NMNAT2: variants seen among roughly 807,000 people sequenced by gnomAD.
The protein encoded by NMNAT2 is nicotinamide nucleotide adenylyltransferase 2, also known as nicotinamide/nicotinic acid mononucleotide adenylyltransferase 2.
In NMNAT2, 11 loss-of-function variants were observed where a neutral mutation model predicts 41.6. That is an observed-to-expected ratio of 0.26 (90% confidence interval 0.17 to 0.44). The LOEUF (loss-of-function observed/expected upper bound fraction) is 0.44, where lower values mean the gene tolerates loss of function less well. Among genes scored for constraint, NMNAT2 ranks in the 20% least tolerant of loss-of-function variants. The pLI, the probability that NMNAT2 is intolerant of heterozygous loss-of-function variation, is 1.00. For missense variants in NMNAT2, 288 were observed against 407.7 expected, an observed-to-expected ratio of 0.71 and a Z score of 2.53; for synonymous variants, 148 against 151.2, an observed-to-expected ratio of 0.98 and a Z score of 0.16.
intron 6 of NMNAT2, 96 bp from the exon 7 acceptor site, chr1:183,284,135 T>TG: frequency 1.5e-5 from 11 of 725,782 alleles, no homozygotes; most frequent in East Asian, 3.4e-5. Flanking sequence ...ATTATTGGGA[T>TG]GGGGTGGGGT....
Position 183,343,173 on chromosome 1 carries a change from C to T in NMNAT2, c.86-49380G>A, listed in dbSNP as rs1662856399. 1.3e-5 allele frequency among the ~76,000 whole-genome samples: 2 copies of T among 152,134 alleles called. 1 individual carries two copies. The highest frequency in any genetic ancestry group is 4.1e-4 in the South Asian group (2 of 4,822). On this transcript the variant is annotated intron_variant, in intron 1 of 10. Coordinates refer to ENST00000287713, the MANE Select transcript of NMNAT2 (RefSeq NM_015039.4). ...CCATCTTGGACTCTTCCTCTCTTACCCCCACATCCAAGCAATCACCAAGCC... is the reference window on the plus strand; with the variant it reads ...CCATCTTGGACTCTTCCTCTCTTACTCCCACATCCAAGCAATCACCAAGCC...
chr1:183,261,162 G>C, intron 9 of NMNAT2, 40 bp downstream of exon 9: 4 of 1,605,522 alleles, frequency 2.5e-6, no homozygotes, highest in Non-Finnish European at 2.6e-6. Context: ...TCTCAGAGAA[G>C]GGCCATAACA....
chr1:183,408,313 A>G (rs1649018091), intron 1 of NMNAT2, among the ~76,000 whole-genome samples: 2 of 152,370 alleles, frequency 1.3e-5, no homozygotes, highest in Middle Eastern at 3.4e-3. Context: ...GAGATAATAC[A>G]TACATGAATG....
In NMNAT2 at chr1:183,252,470, G is replaced by A; in HGVS notation, c.*171C>T. 1 of 601,976 alleles carries A rather than the reference G, an allele frequency of 1.7e-6. No homozygotes were observed. The highest frequency in any genetic ancestry group is 3.0e-6 in the Non-Finnish European group (1 of 329,932). 37.3% of individuals were successfully genotyped at this position (601,976 alleles called of 1,614,324 possible). Reference sequence around the variant, plus strand: ...GAGGAAAGTCTGTCCAAAGATGACTGTGGAATAGGGAATGCCATGGTTCTC... The same window carrying A: ...GAGGAAAGTCTGTCCAAAGATGACTATGGAATAGGGAATGCCATGGTTCTC... On this transcript the variant is annotated 3_prime_UTR_variant, in exon 11 of 11. Transcript: ENST00000287713.
At chr1:183,333,361 A>G (rs1263903756) in intron 1 of NMNAT2, among the ~76,000 whole-genome samples, 1 of 152,230 alleles carries the variant, frequency 6.6e-6, no homozygotes, top group Non-Finnish European at 1.5e-5. Context: ...AGAGTATGTT[A>G]TCTTACATGG....
At chr1:183,387,279 G>A (rs1648274496) in intron 1 of NMNAT2, among the ~76,000 whole-genome samples, 1 of 145,480 alleles carries the variant, frequency 6.9e-6, no homozygotes, top group Non-Finnish European at 1.5e-5. Flanking sequence ...AAATATTAAT[G>A]ACCCTTGATT....
At chr1:183,408,866 CT>C (rs1649039403) in intron 1 of NMNAT2, among the ~76,000 whole-genome samples, 2 of 151,904 alleles carry the variant, frequency 1.3e-5, no homozygotes, top group African/African-American at 4.8e-5. Flanking sequence ...TGACATGTCT[CT>C]TTTTTTAAAA....
At chr1:183,289,537 G>A (rs1661481918) in intron 4 of NMNAT2, among the ~76,000 whole-genome samples, 1 of 152,234 alleles carries the variant, frequency 6.6e-6, no homozygotes, top group Non-Finnish European at 1.5e-5. Flanking sequence ...GCTCAGATAT[G>A]TGGACTCCTC....
chr1:183,293,888 G>T lies in NMNAT2; in HGVS notation c.86-95C>A, dbSNP rs536144060. On this transcript the variant is annotated intron_variant, in intron 1 of 10. Coordinates refer to ENST00000287713, the MANE Select transcript of NMNAT2 (RefSeq NM_015039.4). ...ATACGCTCAGCTCTGTAATGCTGGG[G>T]TTTATTTCCCATCTCTCTTGCCATT... 12 of 825,952 alleles carry T rather than the reference G, an allele frequency of 1.5e-5. 1 individual carries two copies. The highest frequency in any genetic ancestry group is 1.2e-4 in the South Asian group (8 of 64,592). 51.2% of individuals were successfully genotyped at this position (825,952 alleles called of 1,614,324 possible).
chr1:183,356,131 A>C (rs1046730966), intron 1 of NMNAT2, among the ~76,000 whole-genome samples: 2 of 152,234 alleles, frequency 1.3e-5, no homozygotes, highest in African/African-American at 4.8e-5. Context: ...AATCTCATAG[A>C]ATCCTCAGGA....
chr1:183,306,884 C>T (rs1662005843), intron 1 of NMNAT2, among the ~76,000 whole-genome samples: 2 of 152,100 alleles, frequency 1.3e-5, no homozygotes, highest in African/African-American at 4.8e-5. Flanking sequence ...CATCCCTAGG[C>T]TGGAGGTAAT....
intron 1 of NMNAT2, among the ~76,000 whole-genome samples, chr1:183,388,743 G>A (rs145458235): frequency 2.6e-5 from 4 of 152,120 alleles, no homozygotes; most frequent in Admixed American, 1.3e-4. Flanking sequence ...CTTATTGTCA[G>A]TCTCCCCCAG....
chr1:183,283,356 C>T (rs960833933), intron 7 of NMNAT2: 14 of 154,112 alleles, frequency 9.1e-5, no homozygotes, highest in Admixed American at 5.8e-4. Context: ...CTTCAGACAC[C>T]TGCGTCTCCC....
At chr1:183,308,737 A>G (rs1283812715) in intron 1 of NMNAT2, among the ~76,000 whole-genome samples, 1 of 152,230 alleles carries the variant, frequency 6.6e-6, no homozygotes, top group Non-Finnish European at 1.5e-5. Context: ...AACTTCAGAT[A>G]GTGATAATAA....
chr1:183,255,658 A>G (rs1025317506), intron 10 of NMNAT2, among the ~76,000 whole-genome samples: 2 of 120,412 alleles, frequency 1.7e-5, no homozygotes, highest in African/African-American at 7.4e-5. Flanking sequence ...ATTTATTCCT[A>G]AGGGTTTTTT....
chr1:183,341,725 C>CAAAAAAAAAAACAAAAAAAAAAAAAAA (rs1662811194), intron 1 of NMNAT2, among the ~76,000 whole-genome samples: 2 of 22,210 alleles, frequency 9.0e-5, no homozygotes, highest in African/African-American at 3.2e-4. Context: ...AAACAAACAC[C>CAAAAAAAAAAACAAAAAAAAAAAAAAA]AAAAAAAAAA....
chr1:183,356,368 T>C (rs756273390), intron 1 of NMNAT2, among the ~76,000 whole-genome samples: 2 of 152,146 alleles, frequency 1.3e-5, no homozygotes, highest in Non-Finnish European at 2.9e-5. Flanking sequence ...AGTCAGCCTG[T>C]TGGGTGCCTT....
At chr1:183,280,214 C>A (rs1661222585) in intron 7 of NMNAT2, among the ~76,000 whole-genome samples, 1 of 152,128 alleles carries the variant, frequency 6.6e-6, no homozygotes, top group Non-Finnish European at 1.5e-5. Context: ...GTTCCTCAGG[C>A]CCACTTGGAG....
chr1:183,345,114 C>A (rs9660163), intron 1 of NMNAT2, among the ~76,000 whole-genome samples: 2,123 of 106,984 alleles, frequency 0.02, 46 homozygotes, highest in African/African-American at 0.053. Flanking sequence ...ATACAATCTT[C>A]TCTTCTCCTC....
Sources: allele counts gnomAD v4.1 joint callset (sites outside exome capture counted in the v4.1 genomes callset), GRCh38; gene constraint gnomAD v4.1.1; transcripts MANE v1.5; gene names NCBI Gene and HGNC (gene_info 2026-07-23, HGNC 2026-07-21).